The following SEC24B variants were observed in gnomAD, a reference collection of about 807,000 sequenced individuals.
The protein encoded by SEC24B is SEC24 homolog B, COPII component.
A neutral mutation model predicts 142.8 loss-of-function variants in SEC24B; 45 were observed. That is an observed-to-expected ratio of 0.32 (90% CI 0.25 to 0.40). The LOEUF is 0.40. SEC24B is among the 10% of genes least tolerant of loss of function. SEC24B has a pLI of 1.00. For missense variants in SEC24B, 1,409 were observed against 1,526.8 expected, an observed-to-expected ratio of 0.92 and a Z score of 1.29; for synonymous variants, 574 against 568.2, an observed-to-expected ratio of 1.01 and a Z score of -0.15.
At chr4:109,483,502 T>G (rs2125987995) in intron 4 of SEC24B, among the ~76,000 whole-genome samples, 1 of 152,266 alleles carries the variant, frequency 6.6e-6, no homozygotes, top group Middle Eastern at 3.4e-3. Context: ...TTTTGGATTT[T>G]GAAGCATTTA....
At chr4:109,501,395 C>T (rs978537715) in intron 6 of SEC24B, among the ~76,000 whole-genome samples, 2 of 152,344 alleles carry the variant, frequency 1.3e-5, no homozygotes, top group East Asian at 1.9e-4. Context: ...CATTAAGCGA[C>T]GTGACTACAC....
Position 109,443,204 on chromosome 4 carries a change from G to GAAGA in SEC24B, c.133+9202_133+9203insAAGA, listed in dbSNP as rs1729099395. Among the ~76,000 whole-genome samples, 13 of 152,208 alleles carry GAAGA rather than the reference G, an allele frequency of 8.5e-5. No individual in the cohort carries two copies. In the South Asian group the frequency reaches 2.7e-3, roughly 32 times the overall value. ...AGCAATCTGACAATCTGAAGATAAA[G>GAAGA]TATTAATCTTCTGCCACCAAATCTG... is the stretch of plus-strand genomic sequence containing the variant. On this transcript the variant is annotated intron_variant, in intron 1 of 23. Coordinates refer to ENST00000265175, the MANE Select transcript of SEC24B (RefSeq NM_006323.5).
At chr4:109,511,398 A>C (rs1039839885) in intron 8 of SEC24B, among the ~76,000 whole-genome samples, 1 of 152,232 alleles carries the variant, frequency 6.6e-6, no homozygotes, top group East Asian at 1.9e-4. Flanking sequence ...AGAATGATAT[A>C]CTAAAATGAT....
Position 109,458,205 on chromosome 4 carries a change from A to G in SEC24B, c.134-4696A>G, listed in dbSNP as rs116888829. ...TGCCATACTGTAGAGACCATTTAGCATATTTATTTGTTTTATTTTGAATAT... is the reference window on the plus strand; with the variant it reads ...TGCCATACTGTAGAGACCATTTAGCGTATTTATTTGTTTTATTTTGAATAT... On this transcript the variant is annotated intron_variant, in intron 1 of 23. Coordinates refer to ENST00000265175, the MANE Select transcript of SEC24B (RefSeq NM_006323.5). Among the ~76,000 whole-genome samples the G allele has an allele frequency of 1.9e-4, 29 of 152,040 alleles. 1 individual carries two copies. In the East Asian group the frequency reaches 5.2e-3, roughly 27 times the overall value.
chr4:109,437,491 T>C (rs1432064112), intron 1 of SEC24B, among the ~76,000 whole-genome samples: 2 of 152,150 alleles, frequency 1.3e-5, no homozygotes, highest in African/African-American at 4.8e-5. Flanking sequence ...AGTCTCACCA[T>C]GTTGCCCAGG....
chr4:109,457,447 C>T (rs899115948), intron 1 of SEC24B, among the ~76,000 whole-genome samples: 1 of 152,210 alleles, frequency 6.6e-6, no homozygotes, highest in Admixed American at 6.5e-5. Context: ...GGCCTTCTTG[C>T]TGTGTCATAA....
chr4:109,536,753 T>A lies in SEC24B; in HGVS notation c.3589-1740T>A, dbSNP rs571458170. ...ACTGTGTTAGCTAGGATGGTCTCGA[T>A]CTCCTGACTTTGTGATCCCCCCACC... On this transcript the variant is annotated intron_variant, in intron 22 of 23. Transcript: ENST00000265175. Among the ~76,000 whole-genome samples, 12 of 152,114 alleles carry A rather than the reference T, an allele frequency of 7.9e-5. No individual in the cohort carries two copies. In the South Asian group the frequency reaches 2.5e-3, roughly 32 times the overall value.
intron 1 of SEC24B, among the ~76,000 whole-genome samples, chr4:109,441,395 C>G (rs777222037): frequency 1.3e-5 from 2 of 152,166 alleles, no homozygotes; most frequent in Non-Finnish European, 2.9e-5. Context: ...AGCAAGGTAT[C>G]TGGCATGTAG....
chr4:109,482,828 C>T (rs1019702037), intron 4 of SEC24B, among the ~76,000 whole-genome samples: 29 of 147,670 alleles, frequency 2.0e-4, no homozygotes, highest in Non-Finnish European at 7.5e-5. Flanking sequence ...GATGGGGTTT[C>T]GCCATGTTGC....
At position 109,512,021 on chromosome 4, in the gene SEC24B, C is replaced by G. The variant is rs199831861; in HGVS notation, c.1841C>G (p.Pro614Arg). 6.2e-7 allele frequency: 1 copy of G among 1,612,996 alleles called. No homozygotes were observed. The highest frequency in any genetic ancestry group is 8.5e-7 in the Non-Finnish European group (1 of 1,179,054). The part of the protein sequence containing the change: ...RCRSCRTYIN[P>R]FVSFIDQRRW... ...CGATCCTGTCGAACGTATATTAACC[C>G]CTTTGTATCCTTCATTGATCAACGT... The change falls in exon 9 of 24, where the codon CCC (proline) becomes CGC (arginine). Residue 614 changes from proline (P) to arginine (R), a missense_variant. Physicochemically the swap from Pro to Arg is moderately radical, Grantham distance 103. Around this residue, in one of 2 missense-constraint regions of SEC24B, gnomAD observed 700 missense variants for 853.3 expected, o/e 0.82. Transcript: ENST00000265175.
In SEC24B at chr4:109,433,822, C is replaced by A; in HGVS notation, c.-48C>A. 8.1e-7 allele frequency: 1 copy of A among 1,234,806 alleles called. No individual in the cohort carries two copies. The highest frequency in any genetic ancestry group is 1.0e-6 in the Non-Finnish European group (1 of 986,170). 76.5% of individuals were successfully genotyped at this position (1,234,806 alleles called of 1,614,324 possible). ...CCTCTCCGGCCCCGCCTTCCCTTCC[C>A]TCCGCCCACCTCCCTGAAGCGGAGC... On this transcript the variant is annotated 5_prime_UTR_variant, in exon 1 of 24. Transcript: ENST00000265175.
chr4:109,447,357 G>A (rs1561063878), intron 1 of SEC24B, among the ~76,000 whole-genome samples: 1 of 152,026 alleles, frequency 6.6e-6, no homozygotes, highest in East Asian at 1.9e-4. Flanking sequence ...TTTCAAAAAA[G>A]GTATCACATA....
At chr4:109,482,520 A>G (rs1373179785) in intron 4 of SEC24B, among the ~76,000 whole-genome samples, 1 of 152,224 alleles carries the variant, frequency 6.6e-6, no homozygotes, top group African/African-American at 2.4e-5. Flanking sequence ...TGCTGCATAT[A>G]CATAGTGAGA....
intron 18 of SEC24B, among the ~76,000 whole-genome samples, chr4:109,528,646 A>G (rs766153083): frequency 2.0e-5 from 3 of 152,172 alleles, no homozygotes; most frequent in Non-Finnish European, 2.9e-5. Context: ...CATAACCACT[A>G]TAGAACTGTA....
chr4:109,468,491 G>T (rs1296720254), intron 2 of SEC24B, among the ~76,000 whole-genome samples: 1 of 152,146 alleles, frequency 6.6e-6, no homozygotes, highest in African/African-American at 2.4e-5. Context: ...AGGAATTAAT[G>T]AAAGAAAAAC....
In SEC24B at chr4:109,463,576, C is replaced by T; in HGVS notation, c.809C>T (p.Thr270Ile). 2 of 1,614,176 alleles carry T rather than the reference C, an allele frequency of 1.2e-6. No individual in the cohort carries two copies. Among genetic ancestry groups the T allele is most frequent in the Non-Finnish European group, 1.7e-6 (2 of 1,180,032 alleles). Residue 270 changes from threonine to isoleucine, a missense_variant, in exon 2 of 24, where the codon ACT becomes ATT. Thr to Ile is a moderately conservative substitution (Grantham distance 89, BLOSUM62 -1). Coordinates refer to ENST00000265175, the MANE Select transcript of SEC24B (RefSeq NM_006323.5). ...TGGTCATCTCCAGGCCTTCCATCGA[C>T]TCAAGACAATCTCATCCGAAACCAC... ...LTWSSPGLPS[T>I]QDNLIRNHTG... is the part of the protein sequence containing the mutation.
intron 1 of SEC24B, among the ~76,000 whole-genome samples, chr4:109,440,678 G>A (rs1050005365): frequency 2.0e-5 from 3 of 152,198 alleles, no homozygotes; most frequent in Admixed American, 6.5e-5. Flanking sequence ...CCTAGAAGGA[G>A]CTTAGCAATT....
At chr4:109,499,449 G>T (rs992482803) in intron 6 of SEC24B, among the ~76,000 whole-genome samples, 1 of 151,854 alleles carries the variant, frequency 6.6e-6, no homozygotes, top group Non-Finnish European at 1.5e-5. Context: ...ACCAACTTGG[G>T]CAATATAGCA....
At chr4:109,539,025 G>A (rs1253465373) in intron 23 of SEC24B, among the ~76,000 whole-genome samples, 2 of 151,728 alleles carry the variant, frequency 1.3e-5, no homozygotes, top group Non-Finnish European at 2.9e-5. Flanking sequence ...GCGATGGTGC[G>A]ATCTCAGCCC....
Sources: allele counts gnomAD v4.1 joint callset (sites outside exome capture counted in the v4.1 genomes callset), GRCh38; gene constraint gnomAD v4.1.1; regional missense constraint gnomAD v4.1.1; transcripts MANE v1.5; gene names NCBI Gene and HGNC (gene_info 2026-07-23, HGNC 2026-07-21).